AKAP1: variants seen among roughly 807,000 people sequenced by gnomAD.
AKAP1 encodes A-kinase anchoring protein 1.
A neutral mutation model predicts 79.8 loss-of-function variants in AKAP1; 32 were observed. The ratio of observed to expected loss-of-function variants is 0.40; its 90% CI spans 0.30 to 0.54. The LOEUF (loss-of-function observed/expected upper bound fraction) is 0.54. Among genes scored for constraint, AKAP1 ranks in the 20% least tolerant of loss-of-function variants. AKAP1 has a pLI of 0.47. For synonymous variants in AKAP1, 416 were observed against 466.7 expected (o/e 0.89, Z 1.40); for missense variants, 961 against 1,138.9 (o/e 0.84, Z 2.25).
intron 1 of AKAP1, among the ~76,000 whole-genome samples, chr17:57,102,597 TG>T (rs1914588145): frequency 6.6e-6 from 1 of 151,830 alleles, no homozygotes; most frequent in African/African-American, 2.4e-5. Context: ...CCCGAGTAGC[TG>T]GGAGTACAGG....
intron 3 of AKAP1, 117 bp from the exon 4 acceptor site, chr17:57,111,681 A>C (rs1479015520): frequency 1.5e-5 from 19 of 1,277,712 alleles, no homozygotes; most frequent in Non-Finnish European, 2.0e-5. Flanking sequence ...ATAAATGCTG[A>C]CATGGTAACA....
chr17:57,112,428 G>C, intron 4 of AKAP1, 63 bp from the exon 5 acceptor site: 2 of 1,572,928 alleles, frequency 1.3e-6, no homozygotes, highest in East Asian at 4.5e-5. Context: ...CTGTGTTTTT[G>C]TGAGTGTGGG....
rs1345473446 is a variant in AKAP1, at chr17:57,116,853, T to G, written c.2433-7T>G. The G allele has an allele frequency of 6.2e-7, 1 of 1,613,912 alleles. No homozygotes were observed. ...ACATTAAACTTGTTCCTTTCTTGCCTTCCCAGGTCTGACTTTGTCACCCTG... is the reference window on the plus strand; with the variant it reads ...ACATTAAACTTGTTCCTTTCTTGCCGTCCCAGGTCTGACTTTGTCACCCTG... On this transcript the variant is annotated splice_polypyrimidine_tract_variant and splice_region_variant and intron_variant, in intron 7 of 10. Coordinates refer to ENST00000337714, the MANE Select transcript of AKAP1 (RefSeq NM_003488.4).
intron 1 of AKAP1, among the ~76,000 whole-genome samples, chr17:57,102,633 T>C (rs912067870): frequency 6.6e-6 from 1 of 151,350 alleles, no homozygotes; most frequent in Non-Finnish European, 1.5e-5. Context: ...CCCGGCTCTC[T>C]CTCTTTTTTT....
In AKAP1 at chr17:57,086,521, G is replaced by T. The variant is rs1230243399; in HGVS notation, c.-25+1123G>T. The T allele has an allele frequency of 2.2e-6, 1 of 446,102 alleles. No individual in the cohort carries two copies. The highest frequency in any genetic ancestry group is 2.5e-5 in the Admixed American group (1 of 40,414). The allele number at this position is 446,102 out of a possible 1,614,324, so 27.6% of individuals were successfully genotyped here. On this transcript the variant is annotated intron_variant, in intron 1 of 10. Coordinates refer to ENST00000337714, the MANE Select transcript of AKAP1 (RefSeq NM_003488.4). This position sits in a 1 kb window ranked among gnomAD's most constrained non-coding sequence, Gnocchi z 5.1. ...TTCCTGCCGCCGTTAACACAAACCC[G>T]GTGGACTTCGCTCCAGGTGCGAGTC...
At chr17:57,112,220 AGTGCCCTGT>A (rs1229027651) in intron 4 of AKAP1, among the ~76,000 whole-genome samples, 1 of 152,136 alleles carries the variant, frequency 6.6e-6, no homozygotes, top group Non-Finnish European at 1.5e-5. Flanking sequence ...TCAAAGCAGA[AGTGCCCTGT>A]GTGCAATTCC....
At position 57,105,808 on chromosome 17, in the gene AKAP1, C is replaced by T. The variant is rs369611796; in HGVS notation, c.344C>T (p.Thr115Ile). 1.6e-4 allele frequency: 258 copies of T among 1,614,118 alleles called. No homozygotes were observed. Among genetic ancestry groups the T allele is most frequent in the Non-Finnish European group, 2.2e-4 (254 of 1,180,060 alleles). The change falls in exon 2 of 11, where the codon ACA becomes ATA. Residue 115 changes from threonine (T) to isoleucine (I), a missense_variant. Thr to Ile is a moderately conservative substitution (Grantham distance 89, BLOSUM62 -1). This residue lies in a region of AKAP1 where 108 missense variants were observed against 147.6 expected (regional missense o/e 0.73). Transcript: ENST00000337714. The stretch of plus-strand genomic sequence containing the variant: ...TCCTCGGGCATTCTTCCTAACACCA[C>T]AGACATGAGATTGCGACCAGGAACA... ...SESSGILPNTTDMRLRPGTRR... is the reference protein window; with the variant it reads ...SESSGILPNTIDMRLRPGTRR...
intron 1 of AKAP1, among the ~76,000 whole-genome samples, chr17:57,097,252 TCC>T (rs1453854925): frequency 6.6e-6 from 1 of 152,154 alleles, no homozygotes; most frequent in Non-Finnish European, 1.5e-5. Flanking sequence ...GAGAAAGCCT[TCC>T]TGGGCTCCCT....
At position 57,102,708 on chromosome 17, in the gene AKAP1, G is replaced by C. The variant is rs1054404368; in HGVS notation, c.-24-2733G>C. 4.6e-5 allele frequency among the ~76,000 whole-genome samples: 7 copies of C among 151,822 alleles called. No homozygotes were observed. In the East Asian group the frequency reaches 7.8e-4, roughly 17 times the overall value. On this transcript the variant is annotated intron_variant, in intron 1 of 10. Coordinates refer to ENST00000337714, the MANE Select transcript of AKAP1 (RefSeq NM_003488.4). Reference sequence around the variant, plus strand: ...AGGATGGTCTCAATCTCCTGACCTCGTGATCCACCCGCCTCAGCCTCTGAA... The same window carrying C: ...AGGATGGTCTCAATCTCCTGACCTCCTGATCCACCCGCCTCAGCCTCTGAA...
chr17:57,116,330 G>A (rs943954208), intron 7 of AKAP1, 69 bp downstream of exon 7: 10 of 1,586,346 alleles, frequency 6.3e-6, no homozygotes, highest in Non-Finnish European at 7.8e-6. Context: ...TGCGTGGCTG[G>A]CTCAGTTGTG....
intron 9 of AKAP1, among the ~76,000 whole-genome samples, 171 bp from the exon 10 acceptor site, chr17:57,118,811 A>T (rs1915743703): frequency 6.6e-6 from 1 of 152,060 alleles, no homozygotes; most frequent in Non-Finnish European, 1.5e-5. Context: ...ATCAGATCTC[A>T]TGAGAACTCA....
rs1246723192 is a variant in AKAP1, at chr17:57,120,852, T to C, written c.*528T>C. The stretch of plus-strand genomic sequence containing the variant: ...AGTTTTTATAAACTTCATTTAGGTC[T>C]CTAAACACAGACTTTTTAAATTGCA... On this transcript the variant is annotated 3_prime_UTR_variant, in exon 11 of 11. Transcript: ENST00000337714. 6.5e-6 allele frequency: 1 copy of C among 152,836 alleles called. No homozygotes were observed. Among genetic ancestry groups the C allele is most frequent in the Non-Finnish European group, 1.5e-5 (1 of 68,160 alleles). The allele number at this position is 152,836 out of a possible 1,614,324, so 9.5% of individuals were successfully genotyped here. A position where few individuals can be genotyped will look rare whatever the true frequency, so the allele number is the denominator to read the frequency against.
intron 4 of AKAP1, 115 bp downstream of exon 4, chr17:57,112,039 A>G: frequency 7.3e-7 from 1 of 1,372,152 alleles, no homozygotes; most frequent in South Asian, 1.4e-5. Flanking sequence ...TTCTCATCCC[A>G]GGGAAGGGAG....
At chr17:57,111,297 G>GGA (rs1915231185) in intron 3 of AKAP1, among the ~76,000 whole-genome samples, 1 of 152,236 alleles carries the variant, frequency 6.6e-6, no homozygotes, top group African/African-American at 2.4e-5. Context: ...CTTGGCAGCG[G>GGA]GAGCCCAGGG....
At position 57,120,754 on chromosome 17, in the gene AKAP1, A is replaced by T. The variant is rs1204887256; in HGVS notation, c.*430A>T. On this transcript the variant is annotated 3_prime_UTR_variant, in exon 11 of 11. Coordinates refer to ENST00000337714, the MANE Select transcript of AKAP1 (RefSeq NM_003488.4). ...TTTACTTCAAAATCTTTCTTCAGGG[A>T]GCAAGACATGAACTGACTAATTGGT... is the stretch of plus-strand genomic sequence containing the variant. 1 of 159,366 alleles carries T rather than the reference A, an allele frequency of 6.3e-6. No individual in the cohort carries two copies. Among genetic ancestry groups the T allele is most frequent in the Non-Finnish European group, 1.4e-5 (1 of 72,178 alleles). The allele number at this position is 159,366 out of a possible 1,614,324, so 9.9% of individuals were successfully genotyped here. A position where few individuals can be genotyped will look rare whatever the true frequency, so the allele number is the denominator to read the frequency against.
chr17:57,115,083 G>A (rs566827901), intron 6 of AKAP1, among the ~76,000 whole-genome samples: 30 of 152,240 alleles, frequency 2.0e-4, no homozygotes, highest in African/African-American at 5.8e-4. Flanking sequence ...CCTGTGCAGC[G>A]TGTTGGGTCA....
At position 57,086,160 on chromosome 17, in the gene AKAP1, G is replaced by T. The variant is rs751229647; in HGVS notation, c.-25+762G>T. The T allele has an allele frequency of 3.1e-5, 10 of 324,046 alleles. No individual in the cohort carries two copies. The highest frequency in any genetic ancestry group is 5.4e-5 in the Non-Finnish European group (9 of 165,516). 20.1% of individuals were successfully genotyped at this position (324,046 alleles called of 1,614,324 possible). ...GGAGGGGTGGAGGCCGTCCAGCCTG[G>T]GGTGTCTGCCGACCTCACGCCCGGG... On this transcript the variant is annotated intron_variant, in intron 1 of 10. Transcript: ENST00000337714. The surrounding 1 kb of genome is among the most constrained non-coding windows in gnomAD (Gnocchi z 5.1).
intron 8 of AKAP1, among the ~76,000 whole-genome samples, chr17:57,117,588 G>A (rs1016174220): frequency 3.9e-5 from 6 of 152,160 alleles, no homozygotes; most frequent in East Asian, 1.9e-4. Flanking sequence ...TGTCTTAAGC[G>A]ATTTGCATGC....
Position 57,116,862 on chromosome 17 carries a change from C to T in AKAP1, c.2435C>T (p.Ser812Phe). Reference protein sequence around the residue: ...VKVDVLRQIRSDFVTLPFQGA... With the variant: ...VKVDVLRQIRFDFVTLPFQGA... ...TTGTTCCTTTCTTGCCTTCCCAGGT[C>T]TGACTTTGTCACCCTGCCGTTTCAG... The change falls in exon 8 of 11, where the codon TCT (serine) becomes TTT (phenylalanine). Residue 812 changes from serine to phenylalanine, a missense_variant and splice_region_variant. Coordinates refer to ENST00000337714, the MANE Select transcript of AKAP1 (RefSeq NM_003488.4). 1 of 1,614,190 alleles carries T rather than the reference C, an allele frequency of 6.2e-7. No homozygotes were observed. Among genetic ancestry groups the T allele is most frequent in the Admixed American group, 1.7e-5 (1 of 60,032 alleles).
Sources: allele counts gnomAD v4.1 joint callset (sites outside exome capture counted in the v4.1 genomes callset), GRCh38; gene constraint gnomAD v4.1.1; regional missense constraint gnomAD v4.1.1; non-coding constraint Gnocchi (gnomAD v3.1); transcripts MANE v1.5; gene names NCBI Gene and HGNC (gene_info 2026-07-23, HGNC 2026-07-21).